The following PRDM10 variants were observed in gnomAD, a reference collection of about 807,000 sequenced individuals.
PRDM10 encodes the protein PR domain zinc finger protein 10.
PRDM10 carries 65 observed loss-of-function variants against 133.1 expected under a neutral mutation model. The observed-to-expected ratio is 0.49, with a 90% CI of 0.40 to 0.60. PRDM10 has a LOEUF of 0.60. Ranked by LOEUF, PRDM10 falls within the 20% of genes least tolerant of loss-of-function variation. The pLI is 0.00. For missense variants in PRDM10, 1,137 were observed against 1,507.1 expected (o/e 0.75, Z 4.07); for synonymous variants, 582 against 580.4 (o/e 1.00, Z -0.04).
At chr11:129,908,812 G>C (rs1950093603) in intron 19 of PRDM10, among the ~76,000 whole-genome samples, 1 of 151,716 alleles carries the variant, frequency 6.6e-6, no homozygotes, top group Non-Finnish European at 1.5e-5. Flanking sequence ...TGTCACCCAG[G>C]CTGGAGTGCA....
intron 2 of PRDM10, among the ~76,000 whole-genome samples, chr11:129,959,805 G>T (rs1037878953): frequency 1.3e-4 from 19 of 151,940 alleles, no homozygotes; most frequent in Admixed American, 1.2e-3. Flanking sequence ...TAGTGACAGG[G>T]TCTCATTCTG....
chr11:129,939,821 C>T (rs73016878), intron 7 of PRDM10, among the ~76,000 whole-genome samples: 12,574 of 152,290 alleles, frequency 0.083, 560 homozygotes, highest in Admixed American at 0.13. Flanking sequence ...TCCAAAGCCT[C>T]TCCACTTCAA....
Position 129,924,873 on chromosome 11 carries a change from G to T in PRDM10, c.1878+9C>A, listed in dbSNP as rs368863258. 6 of 1,578,638 alleles carry T rather than the reference G, an allele frequency of 3.8e-6. No homozygotes were observed. The highest frequency in any genetic ancestry group is 5.2e-6 in the Non-Finnish European group (6 of 1,163,644). Reference sequence around the variant, plus strand: ...GAAGCAGACAGGAATCTCAGTAGTAGACACTCACCTGGATAAAATCTGGGA... The same window carrying T: ...GAAGCAGACAGGAATCTCAGTAGTATACACTCACCTGGATAAAATCTGGGA... On this transcript the variant is annotated intron_variant, in intron 12 of 20. Transcript: ENST00000360871.
chr11:129,918,696 T>C lies in PRDM10; in HGVS notation c.2057A>G (p.His686Arg). The change falls in exon 14 of 21, where the codon CAC becomes CGC. Residue 686 changes from histidine to arginine, a missense_variant. Physicochemically the swap from His to Arg is conservative, Grantham distance 29. Coordinates refer to ENST00000360871, the MANE Select transcript of PRDM10 (RefSeq NM_199437.2). The surrounding 1 kb of genome is among the most constrained non-coding windows in gnomAD (Gnocchi z 5.3). ...CTCAGGATTATGCATCCTCTGCATG[T>C]GTTCCCGTAGTTTGTCTTTTCGCTA... The part of the protein sequence containing the change: ...QFKRKDKLRE[H>R]MQRMHNPERE... The C allele has an allele frequency of 2.5e-6, 4 of 1,613,512 alleles. No individual in the cohort carries two copies. The highest frequency in any genetic ancestry group is 3.4e-6 in the Non-Finnish European group (4 of 1,179,738).
rs902320739 is a variant in PRDM10 at position 129,947,818 on chromosome 11, G to A, written c.295-448C>T. Among the ~76,000 whole-genome samples, 2 of 152,118 alleles carry A rather than the reference G, an allele frequency of 1.3e-5. No homozygotes were observed. The highest frequency in any genetic ancestry group is 2.9e-5 in the Non-Finnish European group (2 of 68,042). ...ACTTCAAATAGGTAAGCAACAGACC[G>A]TTTCGATGTGTGCACATGTGAGGTA... On this transcript the variant is annotated intron_variant, in intron 4 of 20. Transcript: ENST00000360871. The surrounding 1 kb of genome is among the most constrained non-coding windows in gnomAD (Gnocchi z 4.6).
At chr11:129,919,846 G>A (rs183969246) in intron 13 of PRDM10, among the ~76,000 whole-genome samples, 1 of 152,186 alleles carries the variant, frequency 6.6e-6, no homozygotes, top group Admixed American at 6.5e-5. Context: ...GATAAGGGCC[G>A]AGCTCCAATG....
At chr11:129,913,941 A>G (rs1399020974) in intron 17 of PRDM10, among the ~76,000 whole-genome samples, 1 of 152,226 alleles carries the variant, frequency 6.6e-6, no homozygotes, top group East Asian at 1.9e-4. Flanking sequence ...TGAGTTATTC[A>G]TTATCTGGTA....
At chr11:129,997,613 A>G (rs1407318236) in intron 1 of PRDM10, among the ~76,000 whole-genome samples, 1 of 152,216 alleles carries the variant, frequency 6.6e-6, no homozygotes, top group African/African-American at 2.4e-5. Context: ...CAATGTTCTC[A>G]ATTTCAGGTT....
At chr11:129,971,827 C>T (rs1370476260) in intron 1 of PRDM10, among the ~76,000 whole-genome samples, 1 of 152,252 alleles carries the variant, frequency 6.6e-6, no homozygotes, top group Non-Finnish European at 1.5e-5. Flanking sequence ...CCGTGCCGTG[C>T]GCTCGCATTC....
intron 1 of PRDM10, among the ~76,000 whole-genome samples, chr11:129,978,848 A>G (rs1348958523): frequency 6.6e-6 from 1 of 152,222 alleles, no homozygotes; most frequent in East Asian, 1.9e-4. Context: ...CCCTAATTCA[A>G]TTAAGAACTT....
At chr11:129,961,703 G>A (rs1210438997) in intron 1 of PRDM10, among the ~76,000 whole-genome samples, 1 of 151,960 alleles carries the variant, frequency 6.6e-6, no homozygotes, top group Non-Finnish European at 1.5e-5. Context: ...CTCTATTTAA[G>A]AAAAAGAAAT....
Position 129,902,173 on chromosome 11 carries a change from G to T in PRDM10, c.*140C>A. The T allele has an allele frequency of 8.3e-7, 1 of 1,211,680 alleles. No individual in the cohort carries two copies. The highest frequency in any genetic ancestry group is 1.1e-6 in the Non-Finnish European group (1 of 883,554). 75.1% of individuals were successfully genotyped at this position (1,211,680 alleles called of 1,614,324 possible). A position where few individuals can be genotyped will look rare whatever the true frequency, so the allele number is the denominator to read the frequency against. ...TGACCTTGGCAAAATAAACCCCAGT[G>T]TATGGATGAGAGACAAAACTGTGGT... On this transcript the variant is annotated 3_prime_UTR_variant, in exon 21 of 21. Transcript: ENST00000360871.
At chr11:129,939,022 A>G (rs1951124225) in intron 7 of PRDM10, among the ~76,000 whole-genome samples, 1 of 152,090 alleles carries the variant, frequency 6.6e-6, no homozygotes, top group Non-Finnish European at 1.5e-5. Context: ...TGCTGGCCCC[A>G]TTCCATAGTT....
intron 9 of PRDM10, among the ~76,000 whole-genome samples, chr11:129,934,755 T>C (rs895741461): frequency 3.3e-5 from 5 of 152,234 alleles, no homozygotes; most frequent in African/African-American, 1.2e-4. Flanking sequence ...CTTGGTTTGA[T>C]TAAGTAATTG....
intron 2 of PRDM10, 96 bp from the exon 3 acceptor site, chr11:129,958,006 G>A: frequency 2.2e-6 from 3 of 1,340,628 alleles, no homozygotes; most frequent in Middle Eastern, 2.1e-4. Context: ...AATGACAGGA[G>A]AATGGGGATG....
In PRDM10 at chr11:129,925,112, G is replaced by A. The variant is rs896327755; in HGVS notation, c.1648C>T (p.Arg550Trp). 10 of 1,614,064 alleles carry A rather than the reference G, an allele frequency of 6.2e-6. No homozygotes were observed. Among genetic ancestry groups the A allele is most frequent in the South Asian group, 2.2e-5 (2 of 91,088 alleles). ...KLDQHLRFHG[R>W]EGNCPLTCDL... ...CAGGTCAGTGGGCAGTTCCCCTCCC[G>A]CCCATGGAAGCGTAAGTGCTGGTCC... The change falls in exon 12 of 21, where the codon CGG (arginine) becomes TGG (tryptophan). Residue 550 changes from arginine (R) to tryptophan (W), a missense_variant. Around this residue, in one of 6 missense-constraint regions of PRDM10, gnomAD observed 635 missense variants for 835.2 expected, o/e 0.76. Transcript: ENST00000360871.
intron 18 of PRDM10, 115 bp from the exon 19 acceptor site, chr11:129,910,771 C>T (rs1163913121): frequency 9.0e-6 from 9 of 1,002,866 alleles, no homozygotes; most frequent in South Asian, 2.3e-5. Context: ...CTGAAACTAT[C>T]GTTGCTATTT....
At chr11:129,991,988 CAAAAAT>C (rs1383834686) in intron 1 of PRDM10, among the ~76,000 whole-genome samples, 1 of 152,020 alleles carries the variant, frequency 6.6e-6, no homozygotes, top group Non-Finnish European at 1.5e-5. Flanking sequence ...AATAAAAATA[CAAAAAT>C]AAAAACTATG....
chr11:129,908,593 T>C (rs1410755896), intron 19 of PRDM10, among the ~76,000 whole-genome samples: 1 of 152,124 alleles, frequency 6.6e-6, no homozygotes, highest in Non-Finnish European at 1.5e-5. Context: ...CAAGGTTGGG[T>C]GTAAGTTGGT....
Sources: gnomAD v4.1 joint callset for allele counts (sites outside exome capture counted in the v4.1 genomes callset) on GRCh38, gnomAD v4.1.1 for gene constraint, gnomAD v4.1.1 regional missense constraint, Gnocchi (gnomAD v3.1) non-coding constraint, MANE v1.5 for transcripts, NCBI Gene and HGNC (gene_info 2026-07-23, HGNC 2026-07-21) for gene names.